Variants in ZPBP observed in about 807,000 individuals in gnomAD.
The protein encoded by ZPBP is zona pellucida-binding protein 1.
A neutral mutation model predicts 44.8 loss-of-function variants in ZPBP; 26 were observed. That is an observed-to-expected ratio of 0.58 (90% CI 0.43 to 0.81). ZPBP has a LOEUF of 0.81. Ranked by LOEUF, ZPBP falls within the 30% of genes least tolerant of loss-of-function variation. The pLI is 0.00. For synonymous variants in ZPBP, 174 were observed against 153.2 expected (o/e 1.14, Z -1.00); for missense variants, 409 against 434.0 (o/e 0.94, Z 0.51).
At chr7:49,895,990 G>C (rs1289695985) in intron 2 of ZPBP, among the ~76,000 whole-genome samples, 2 of 152,018 alleles carry the variant, frequency 1.3e-5, no homozygotes, top group Non-Finnish European at 2.9e-5. Flanking sequence ...ATTTTCCCAA[G>C]ATTCTTAGTA....
chr7:49,963,445 A>C (rs1426264373), intron 7 of ZPBP, among the ~76,000 whole-genome samples: 1 of 151,892 alleles, frequency 6.6e-6, no homozygotes, highest in Non-Finnish European at 1.5e-5. Flanking sequence ...ATGTTCATAC[A>C]ACTTTATTCA....
intron 7 of ZPBP, among the ~76,000 whole-genome samples, chr7:49,957,684 C>A (rs565681658): frequency 6.6e-6 from 1 of 152,268 alleles, no homozygotes; most frequent in East Asian, 1.9e-4. Flanking sequence ...AACCTAGGGG[C>A]CCAGGCAGAG....
chr7:49,999,207 T>G (rs1797988936), intron 6 of ZPBP, among the ~76,000 whole-genome samples: 1 of 150,748 alleles, frequency 6.6e-6, no homozygotes, highest in African/African-American at 2.4e-5. Context: ...CTATAATAAG[T>G]CTCCATATAT....
chr7:49,995,420 T>C (rs1224038839), intron 6 of ZPBP, among the ~76,000 whole-genome samples: 10 of 152,210 alleles, frequency 6.6e-5, no homozygotes, highest in Non-Finnish European at 4.4e-5. Context: ...CCAGGAGATG[T>C]TGTAATCTGC....
intron 2 of ZPBP, among the ~76,000 whole-genome samples, chr7:49,895,328 C>G (rs1228717042): frequency 6.6e-6 from 1 of 152,228 alleles, no homozygotes; most frequent in African/African-American, 2.4e-5. Context: ...CCTCTTAATA[C>G]TATCACATTG....
intron 2 of ZPBP, among the ~76,000 whole-genome samples, chr7:49,883,274 C>T (rs996069290): frequency 3.3e-5 from 5 of 151,898 alleles, no homozygotes; most frequent in Admixed American, 6.6e-5. Context: ...CCAGAATAGG[C>T]GAATCCAGGG....
intron 1 of ZPBP, among the ~76,000 whole-genome samples, chr7:49,909,321 T>C (rs188509088): frequency 1.1e-4 from 16 of 151,064 alleles, no homozygotes; most frequent in Admixed American, 9.9e-4. Flanking sequence ...CAAAAAAAGA[T>C]GATACAGAAA....
At chr7:49,874,394 G>A (rs958685945) in intron 2 of ZPBP, among the ~76,000 whole-genome samples, 3 of 152,020 alleles carry the variant, frequency 2.0e-5, no homozygotes, top group African/African-American at 7.3e-5. Context: ...TGTAGCCTAG[G>A]AGCAATAGGC....
At chr7:49,966,035 C>A (rs1796045933) in intron 7 of ZPBP, among the ~76,000 whole-genome samples, 3 of 151,886 alleles carry the variant, frequency 2.0e-5, no homozygotes, top group African/African-American at 7.2e-5. Flanking sequence ...AAGGACATTT[C>A]AAAATGATAA....
chr7:49,912,198 A>G (rs1793493633), intron 1 of ZPBP: 2 of 1,613,014 alleles, frequency 1.2e-6, no homozygotes, highest in South Asian at 2.2e-5. Flanking sequence ...GCTTCCCAGA[A>G]CACAAACTCT....
chr7:50,051,624 C>T (rs184409174), intron 4 of ZPBP, among the ~76,000 whole-genome samples: 14 of 152,212 alleles, frequency 9.2e-5, no homozygotes, highest in African/African-American at 3.4e-4. Flanking sequence ...AAATACTATG[C>T]AGCCATAAAA....
chr7:50,051,966 A>AT (rs34850707), intron 4 of ZPBP, among the ~76,000 whole-genome samples: 37,812 of 151,526 alleles, frequency 0.25, 5,842 homozygotes, highest in Non-Finnish European at 0.36. Context: ...AATGAAAATA[A>AT]TTTTTTTTTA....
chr7:50,052,742 T>C (rs1187357386), intron 4 of ZPBP, among the ~76,000 whole-genome samples: 1 of 152,184 alleles, frequency 6.6e-6, no homozygotes, highest in African/African-American at 2.4e-5. Flanking sequence ...CTGTGGTATA[T>C]GCATACTATG....
chr7:49,998,093 T>C (rs1797932956), intron 6 of ZPBP, among the ~76,000 whole-genome samples: 1 of 152,072 alleles, frequency 6.6e-6, no homozygotes, highest in South Asian at 2.1e-4. Flanking sequence ...AATTTTTGTA[T>C]TTTTAGTAGA....
In ZPBP at chr7:50,018,043, C is replaced by T. The variant is rs568920135; in HGVS notation, c.783+197G>A. On this transcript the variant is annotated intron_variant, in intron 6 of 7. Transcript: ENST00000046087. ...TCTTCATATAACCAATTACAAAAGG[C>T]TAAATTTGAAAGTATTTTATAAAGA... Among the ~76,000 whole-genome samples the T allele has an allele frequency of 7.9e-5, 12 of 152,010 alleles. No individual in the cohort carries two copies. The South Asian group carries it at 1.2e-3, about 16-fold the overall frequency.
chr7:49,990,741 T>C (rs1297870317), intron 6 of ZPBP, among the ~76,000 whole-genome samples: 1 of 152,230 alleles, frequency 6.6e-6, no homozygotes, highest in African/African-American at 2.4e-5. Flanking sequence ...ATGAACAGCT[T>C]ATTTTAATTA....
chr7:50,083,727 A>G (rs1802489938), intron 2 of ZPBP, among the ~76,000 whole-genome samples: 1 of 151,982 alleles, frequency 6.6e-6, no homozygotes, highest in South Asian at 2.1e-4. Flanking sequence ...ACCTAAAATC[A>G]CTGGAGAAAA....
At chr7:50,057,905 C>T in intron 4 of ZPBP, 84 bp downstream of exon 4, 1 of 1,269,650 alleles carries the variant, frequency 7.9e-7, no homozygotes, top group Admixed American at 2.2e-5. Flanking sequence ...ATAACAAAGT[C>T]CCTTTAAGAC....
chr7:49,920,432 T>C (rs1255838655), intron 1 of ZPBP: 1 of 152,196 alleles, frequency 6.6e-6, no homozygotes, highest in Non-Finnish European at 1.5e-5. Flanking sequence ...GAAAGGTGGA[T>C]ATAAATATAA....
Sources: gnomAD v4.1 joint callset for allele counts (sites outside exome capture counted in the v4.1 genomes callset) on GRCh38, gnomAD v4.1.1 for gene constraint, MANE v1.5 for transcripts, NCBI Gene and HGNC (gene_info 2026-07-23, HGNC 2026-07-21) for gene names.